DLGAP4: variants seen among roughly 807,000 people sequenced by gnomAD.
DLGAP4 encodes disks large-associated protein 4.
A neutral mutation model predicts 86.9 loss-of-function variants in DLGAP4; 18 were observed. The observed-to-expected ratio is 0.21, with a 90% CI of 0.14 to 0.31. DLGAP4 has a LOEUF of 0.31. DLGAP4 is among the 10% of genes least tolerant of loss of function. The probability of loss-of-function intolerance (pLI) is 1.00; values close to 1 mark genes in which losing one functional copy is unlikely to be tolerated. For missense variants in DLGAP4, 1,085 were observed against 1,362.6 expected, an observed-to-expected ratio of 0.80 and a Z score of 3.21; for synonymous variants, 548 against 574.3, an observed-to-expected ratio of 0.95 and a Z score of 0.65.
intron 10 of DLGAP4, among the ~76,000 whole-genome samples, chr20:36,512,372 A>C (rs1416580908): frequency 1.3e-5 from 2 of 151,952 alleles, no homozygotes; most frequent in East Asian, 3.9e-4. Context: ...GATCTTATTG[A>C]TATCTTGTCC....
intron 7 of DLGAP4, chr20:36,462,478 C>T (rs2034136183): frequency 1.3e-6 from 2 of 1,572,668 alleles, no homozygotes; most frequent in Admixed American, 3.9e-5. Context: ...CAGCCCTAGC[C>T]CCCTGTCTCC....
chr20:36,500,573 T>C lies in DLGAP4; in HGVS notation c.2474T>C (p.Met825Thr). 2 of 1,520,138 alleles carry C rather than the reference T, an allele frequency of 1.3e-6. No individual in the cohort carries two copies. Among genetic ancestry groups the C allele is most frequent in the Non-Finnish European group, 1.8e-6 (2 of 1,136,014 alleles). 94.2% of individuals were successfully genotyped at this position (1,520,138 alleles called of 1,614,324 possible). A position where few individuals can be genotyped will look rare whatever the true frequency, so the allele number is the denominator to read the frequency against. The part of the protein sequence containing the change: ...TERLEGWCCQ[M>T]DKETKENNLS... ...CGGCTGGAAGGCTGGTGCTGCCAGATGGACAAGGAGACCAAAGAGAACAAC... is the reference window on the plus strand; with the variant it reads ...CGGCTGGAAGGCTGGTGCTGCCAGACGGACAAGGAGACCAAAGAGAACAAC... The change falls in exon 10 of 13, where the codon ATG (methionine) becomes ACG (threonine). Residue 825 changes from methionine (M) to threonine (T), a missense_variant. Met to Thr is a moderately conservative substitution (Grantham distance 81, BLOSUM62 -1). Around this residue, in one of 2 missense-constraint regions of DLGAP4, gnomAD observed 1,082 missense variants for 1,344.1 expected, o/e 0.81. Coordinates refer to ENST00000339266, the MANE Select transcript of DLGAP4 (RefSeq NM_001365621.2). This position sits in a 1 kb window ranked among gnomAD's most constrained non-coding sequence, Gnocchi z 4.6.
At chr20:36,442,118 G>C (rs2033463434) in intron 5 of DLGAP4, among the ~76,000 whole-genome samples, 1 of 152,312 alleles carries the variant, frequency 6.6e-6, no homozygotes, top group Non-Finnish European at 1.5e-5. Flanking sequence ...TGTATCTCCA[G>C]GTGGGCTGCC....
chr20:36,351,010 A>T (rs1382702577), intron 1 of DLGAP4, among the ~76,000 whole-genome samples: 1 of 151,616 alleles, frequency 6.6e-6, no homozygotes, highest in African/African-American at 2.4e-5. Flanking sequence ...TTTAATCTCA[A>T]CTCCAGCGTG....
chr20:36,389,956 C>A (rs2147462646), intron 2 of DLGAP4, among the ~76,000 whole-genome samples: 1 of 152,302 alleles, frequency 6.6e-6, no homozygotes, highest in Middle Eastern at 3.4e-3. Context: ...ATGACTGGTA[C>A]TCTGGAGGCC....
At chr20:36,360,440 C>T (rs2030478536) in intron 1 of DLGAP4, among the ~76,000 whole-genome samples, 1 of 152,230 alleles carries the variant, frequency 6.6e-6, no homozygotes, top group Non-Finnish European at 1.5e-5. Context: ...CCCTTGTTCA[C>T]ACTCCTGGTC....
At chr20:36,465,899 C>T (rs1414131173) in intron 7 of DLGAP4, among the ~76,000 whole-genome samples, 1 of 152,118 alleles carries the variant, frequency 6.6e-6, no homozygotes, top group African/African-American at 2.4e-5. Context: ...CCCTCTCTTC[C>T]CCTAGAGGCC....
intron 8 of DLGAP4, chr20:36,497,557 G>A: frequency 1.0e-6 from 1 of 989,126 alleles, no homozygotes; most frequent in Non-Finnish European, 1.2e-6. Context: ...CATGGGGGTT[G>A]CTCGAGGGGA....
chr20:36,462,328 G>A, intron 7 of DLGAP4: 1 of 1,354,826 alleles, frequency 7.4e-7, no homozygotes, highest in Non-Finnish European at 9.4e-7. Context: ...CTCGGGATCG[G>A]GGTCCCCTGC....
In DLGAP4 at chr20:36,350,637, T is replaced by C. The variant is rs1555893395; in HGVS notation, c.-303-16408T>C. On this transcript the variant is annotated intron_variant, in intron 1 of 12. Coordinates refer to ENST00000339266, the MANE Select transcript of DLGAP4 (RefSeq NM_001365621.2). The surrounding 1 kb of genome is among the most constrained non-coding windows in gnomAD (Gnocchi z 4.4). ...GGGCAGCAGGTGGGGAAGGGGCCTA[T>C]CATGACCTCCTTTGTTCCAAAAAGT... 6.6e-6 allele frequency among the ~76,000 whole-genome samples: 1 copy of C among 152,220 alleles called. No individual in the cohort carries two copies. The highest frequency in any genetic ancestry group is 1.5e-5 in the Non-Finnish European group (1 of 68,034).
intron 2 of DLGAP4, among the ~76,000 whole-genome samples, chr20:36,369,790 G>A (rs927510629): frequency 6.6e-6 from 1 of 152,134 alleles, no homozygotes; most frequent in Non-Finnish European, 1.5e-5. Flanking sequence ...ACATATCACA[G>A]TAAAACGGCT....
chr20:36,521,241 G>A (rs1052935322), intron 10 of DLGAP4, among the ~76,000 whole-genome samples: 1 of 152,178 alleles, frequency 6.6e-6, no homozygotes. Flanking sequence ...GATTACAGGC[G>A]TGAGCCTCCA....
At position 36,474,832 on chromosome 20, in the gene DLGAP4, C is replaced by T. The variant is rs73277343; in HGVS notation, c.1649-21873C>T. Among the ~76,000 whole-genome samples, 1,504 of 152,308 alleles carry T rather than the reference C, an allele frequency of 9.9e-3. 26 individuals carry two copies. The highest frequency in any genetic ancestry group is 0.035 in the African/African-American group (1,435 of 41,558). On this transcript the variant is annotated intron_variant, in intron 7 of 12. Transcript: ENST00000339266. ...TTCCAAACAATCAGCCATTCATTTA[C>T]TTGAGTGCCAAGTGCTGTGCCAGGA...
chr20:36,329,417 T>C (rs2065246415), intron 1 of DLGAP4, among the ~76,000 whole-genome samples: 1 of 152,214 alleles, frequency 6.6e-6, no homozygotes, highest in Non-Finnish European at 1.5e-5. Flanking sequence ...ACTTATATCA[T>C]CTGGTTGTAG....
At chr20:36,456,548 A>G (rs2033884097) in intron 7 of DLGAP4, among the ~76,000 whole-genome samples, 1 of 152,310 alleles carries the variant, frequency 6.6e-6, no homozygotes, top group Middle Eastern at 3.4e-3. Flanking sequence ...ATGAATAATG[A>G]GGAACCACAA....
At chr20:36,481,830 G>A (rs1267046517) in intron 7 of DLGAP4, among the ~76,000 whole-genome samples, 1 of 152,226 alleles carries the variant, frequency 6.6e-6, no homozygotes. Context: ...TGGGGACTGC[G>A]CCCTCTCTGG....
chr20:36,483,957 A>T (rs541808112), intron 7 of DLGAP4, among the ~76,000 whole-genome samples: 130 of 152,296 alleles, frequency 8.5e-4, no homozygotes, highest in African/African-American at 3.0e-3. Flanking sequence ...CTGACTGGGG[A>T]ACTGGCCTGG....
At chr20:36,399,297 AG>A (rs2032088023) in intron 2 of DLGAP4, among the ~76,000 whole-genome samples, 1 of 152,254 alleles carries the variant, frequency 6.6e-6, no homozygotes, top group African/African-American at 2.4e-5. Flanking sequence ...ATTGGGTTCC[AG>A]TGCTGACTAC....
intron 2 of DLGAP4, among the ~76,000 whole-genome samples, chr20:36,385,100 G>A (rs879631135): frequency 2.0e-5 from 3 of 152,136 alleles, no homozygotes; most frequent in Admixed American, 2.0e-4. Flanking sequence ...GACTCAGGCT[G>A]GATTTGGCTT....
Sources: gnomAD v4.1 joint callset for allele counts (sites outside exome capture counted in the v4.1 genomes callset) on GRCh38, gnomAD v4.1.1 for gene constraint, gnomAD v4.1.1 regional missense constraint, Gnocchi (gnomAD v3.1) non-coding constraint, MANE v1.5 for transcripts, NCBI Gene and HGNC (gene_info 2026-07-23, HGNC 2026-07-21) for gene names.